PTK2B: variants seen among roughly 807,000 people sequenced by gnomAD.
PTK2B encodes protein-tyrosine kinase 2-beta.
In PTK2B, 71 loss-of-function variants were observed where a neutral mutation model predicts 142.9. The observed-to-expected ratio is 0.50, with a 90% CI of 0.41 to 0.61. The LOEUF (loss-of-function observed/expected upper bound fraction) is 0.61. Among genes scored for constraint, PTK2B ranks in the 20% least tolerant of loss-of-function variants. The pLI is 0.00. For missense variants in PTK2B, 1,105 were observed against 1,320.4 expected (o/e 0.84, Z 2.53); for synonymous variants, 519 against 503.4 (o/e 1.03, Z -0.42).
rs1385047478 is a variant in PTK2B, at chr8:27,420,716, G to A, written c.443G>A (p.Arg148Lys). 6.2e-7 allele frequency: 1 copy of A among 1,613,830 alleles called. No individual in the cohort carries two copies. Among genetic ancestry groups the A allele is most frequent in the Non-Finnish European group, 8.5e-7 (1 of 1,179,826 alleles). ...TTCATGGAGAGCCTGAAGGAGGACA[G>A]GACCACGCTGCTCTATTTTTACCAA... ...EDFMESLKED[R>K]TTLLYFYQQL... is the part of the protein sequence containing the mutation. Residue 148 changes from arginine to lysine, a missense_variant, in exon 4 of 31, where the codon AGG (arginine) becomes AAG (lysine). By Grantham distance (26) the Arg-to-Lys change is conservative (BLOSUM62 2). Transcript: ENST00000346049.
At chr8:27,451,536 G>T in intron 27 of PTK2B, 27 bp downstream of exon 27, 2 of 1,613,978 alleles carry the variant, frequency 1.2e-6, no homozygotes, top group Non-Finnish European at 1.7e-6. Context: ...TTCTTCGGGG[G>T]GTTTCCTCTT....
chr8:27,350,354 T>C (rs1171632510), intron 1 of PTK2B, among the ~76,000 whole-genome samples: 1 of 136,080 alleles, frequency 7.3e-6, no homozygotes, highest in East Asian at 2.0e-4. Context: ...CAGAGACATT[T>C]GCATTCTCTT....
chr8:27,351,848 C>T (rs975763845), intron 1 of PTK2B, among the ~76,000 whole-genome samples: 4 of 152,230 alleles, frequency 2.6e-5, no homozygotes, highest in African/African-American at 9.6e-5. Context: ...AATGGAACCT[C>T]TGTTTGACTT....
chr8:27,329,951 A>T (rs186059302), intron 1 of PTK2B, among the ~76,000 whole-genome samples: 1 of 152,244 alleles, frequency 6.6e-6, no homozygotes, highest in East Asian at 1.9e-4. Context: ...TACAGCTACT[A>T]AAACCTGAGT....
At chr8:27,404,543 C>T (rs555178049) in intron 2 of PTK2B, among the ~76,000 whole-genome samples, 1 of 152,300 alleles carries the variant, frequency 6.6e-6, no homozygotes, top group East Asian at 1.9e-4. Context: ...AGCAGGGACT[C>T]CAGGTTGCAG....
chr8:27,437,857 G>A lies in PTK2B; in HGVS notation c.1620G>A (p.Leu540=). 1 of 1,612,812 alleles carries A rather than the reference G, an allele frequency of 6.2e-7. No homozygotes were observed. Among genetic ancestry groups the A allele is most frequent in the East Asian group, 2.2e-5 (1 of 44,866 alleles). Residue 540 remains leucine, a synonymous_variant, in exon 18 of 31, where the codon CTG becomes CTA. Transcript: ENST00000346049. The stretch of plus-strand genomic sequence containing the variant: ...AGATATGCAAAGCCATGGCCTACCT[G>A]GAGAGCATCAACTGCGTGCACAGGT... ...SLQICKAMAY[L]ESINCVHRDI...
intron 5 of PTK2B, 93 bp from the exon 6 acceptor site, chr8:27,430,000 G>A: frequency 8.7e-7 from 1 of 1,147,480 alleles, no homozygotes. Context: ...ACGTATGGCA[G>A]GGGAAGGGGG....
At chr8:27,429,835 C>T (rs1001405131) in intron 5 of PTK2B, among the ~76,000 whole-genome samples, 3 of 152,216 alleles carry the variant, frequency 2.0e-5, no homozygotes, top group Non-Finnish European at 4.4e-5. Flanking sequence ...CCATCTTCCT[C>T]CTCAGCCCAG....
At chr8:27,399,201 T>G (rs1808235853) in intron 2 of PTK2B, among the ~76,000 whole-genome samples, 1 of 152,380 alleles carries the variant, frequency 6.6e-6, no homozygotes, top group Middle Eastern at 3.4e-3. Flanking sequence ...CACCTCATTG[T>G]TCTTTTGTGC....
At chr8:27,358,960 C>T (rs1390696167) in intron 1 of PTK2B, among the ~76,000 whole-genome samples, 1 of 152,072 alleles carries the variant, frequency 6.6e-6, no homozygotes, top group Non-Finnish European at 1.5e-5. Flanking sequence ...TTTTATGGCA[C>T]TTTGACTCTA....
intron 2 of PTK2B, among the ~76,000 whole-genome samples, chr8:27,416,903 T>A (rs1809434771): frequency 6.6e-6 from 1 of 152,128 alleles, no homozygotes; most frequent in African/African-American, 2.4e-5. Context: ...ACAAGCACAA[T>A]GAGACACTAC....
In PTK2B at chr8:27,405,377, C is replaced by G. The variant is rs73570143; in HGVS notation, c.204+7589C>G. Among the ~76,000 whole-genome samples, 975 of 152,200 alleles carry G rather than the reference C, an allele frequency of 6.4e-3. 12 individuals carry two copies. Among genetic ancestry groups the G allele is most frequent in the African/African-American group, 0.023 (946 of 41,512 alleles). On this transcript the variant is annotated intron_variant, in intron 2 of 30. Coordinates refer to ENST00000346049, the MANE Select transcript of PTK2B (RefSeq NM_173176.3). ...ATGCTGCTAGAGTAGGGCCCAAGGTCACAGTGCAAGAGGTAGGGAGGAGGA... is the reference window on the plus strand; with the variant it reads ...ATGCTGCTAGAGTAGGGCCCAAGGTGACAGTGCAAGAGGTAGGGAGGAGGA...
At chr8:27,339,084 C>T (rs913615538) in intron 1 of PTK2B, among the ~76,000 whole-genome samples, 4 of 152,150 alleles carry the variant, frequency 2.6e-5, no homozygotes, top group Admixed American at 1.3e-4. Context: ...TATTTTCTGT[C>T]GCCTGGAATA....
chr8:27,391,056 T>A (rs17375548), intron 1 of PTK2B, among the ~76,000 whole-genome samples: 57,081 of 150,704 alleles, frequency 0.38, 11,459 homozygotes, highest in Middle Eastern at 0.5. Context: ...CCCTTTCCAC[T>A]CTCTCTCAAA....
At chr8:27,329,389 C>T (rs1445847439) in intron 1 of PTK2B, among the ~76,000 whole-genome samples, 1 of 152,080 alleles carries the variant, frequency 6.6e-6, no homozygotes, top group Non-Finnish European at 1.5e-5. Context: ...TCCATAGTGA[C>T]GACAGTAGCT....
chr8:27,330,368 T>C (rs1796129776), intron 1 of PTK2B, among the ~76,000 whole-genome samples: 1 of 152,210 alleles, frequency 6.6e-6, no homozygotes, highest in South Asian at 2.1e-4. Context: ...CAGCTTCCCC[T>C]GAGCACTCTC....
At chr8:27,453,187 T>C in intron 28 of PTK2B, 27 bp downstream of exon 28, 1 of 1,613,478 alleles carries the variant, frequency 6.2e-7, no homozygotes, top group Non-Finnish European at 8.5e-7. Context: ...CTGAAACTGA[T>C]AAATGAGAGT....
intron 1 of PTK2B, among the ~76,000 whole-genome samples, chr8:27,370,758 G>A (rs1293697540): frequency 6.6e-6 from 1 of 152,176 alleles, no homozygotes; most frequent in East Asian, 1.9e-4. Flanking sequence ...TTCTCAGCCT[G>A]TGCATCAGAC....
intron 1 of PTK2B, among the ~76,000 whole-genome samples, chr8:27,346,101 C>T (rs1012006016): frequency 6.6e-6 from 1 of 152,226 alleles, no homozygotes; most frequent in Admixed American, 6.5e-5. Context: ...GCTGATTCAG[C>T]TACAAGTCTG....
Sources: allele counts gnomAD v4.1 joint callset (sites outside exome capture counted in the v4.1 genomes callset), GRCh38; gene constraint gnomAD v4.1.1; transcripts MANE v1.5; gene names NCBI Gene and HGNC (gene_info 2026-07-23, HGNC 2026-07-21).